KCNK2: variants seen among roughly 807,000 people sequenced by gnomAD.
KCNK2 encodes potassium two pore domain channel subfamily K member 2.
In KCNK2, 21 loss-of-function variants were observed where a neutral mutation model predicts 40.5. The ratio of observed to expected loss-of-function variants is 0.52; its 90% CI spans 0.37 to 0.75. The LOEUF is 0.75. KCNK2 is among the 30% of genes least tolerant of loss of function. KCNK2 has a pLI of 0.00. For synonymous variants in KCNK2, 191 were observed against 202.2 expected, an observed-to-expected ratio of 0.94 and a Z score of 0.47; for missense variants, 399 against 531.6, an observed-to-expected ratio of 0.75 and a Z score of 2.45.
At chr1:215,042,264 A>G (rs1053015006) in intron 1 of KCNK2, among the ~76,000 whole-genome samples, 1 of 152,210 alleles carries the variant, frequency 6.6e-6, no homozygotes, top group Non-Finnish European at 1.5e-5. Flanking sequence ...ATTTATGCAG[A>G]AAGACACAGA....
At chr1:215,151,110 G>A (rs1228699235) in intron 3 of KCNK2, among the ~76,000 whole-genome samples, 1 of 151,950 alleles carries the variant, frequency 6.6e-6, no homozygotes, top group Non-Finnish European at 1.5e-5. Flanking sequence ...ATATTTATAG[G>A]TATTCTTTTC....
At chr1:215,154,962 T>C (rs1421679165) in intron 3 of KCNK2, among the ~76,000 whole-genome samples, 3 of 152,300 alleles carry the variant, frequency 2.0e-5, no homozygotes, top group Middle Eastern at 3.4e-3. Context: ...ACCAGCACTG[T>C]TATATTTTTA....
chr1:215,053,436 T>G (rs1658056343), intron 1 of KCNK2, among the ~76,000 whole-genome samples: 1 of 151,976 alleles, frequency 6.6e-6, no homozygotes. Context: ...AAGCAGTAAA[T>G]GAACAAATGA....
chr1:215,116,253 C>G (rs1390062690), intron 2 of KCNK2, among the ~76,000 whole-genome samples: 2 of 152,042 alleles, frequency 1.3e-5, no homozygotes, highest in Admixed American at 6.6e-5. Context: ...GAGTTTTCAG[C>G]AGATTTATTG....
At chr1:215,110,958 TA>T (rs1390499510) in intron 2 of KCNK2, among the ~76,000 whole-genome samples, 2 of 152,142 alleles carry the variant, frequency 1.3e-5, no homozygotes, top group Non-Finnish European at 2.9e-5. Context: ...TACAATAGCC[TA>T]AAGAATAGTT....
intron 6 of KCNK2, among the ~76,000 whole-genome samples, chr1:215,205,206 A>G (rs1665260772): frequency 6.6e-6 from 1 of 152,172 alleles, no homozygotes; most frequent in Non-Finnish European, 1.5e-5. Context: ...AGATCTGGCC[A>G]AGGATTTGTG....
chr1:215,215,594 A>G (rs1334982762), intron 6 of KCNK2, among the ~76,000 whole-genome samples: 26 of 152,120 alleles, frequency 1.7e-4, no homozygotes, highest in Admixed American at 1.7e-3. Flanking sequence ...GACAGCTCTG[A>G]TGGCCACAGA....
At chr1:215,215,826 G>A (rs1232521999) in intron 6 of KCNK2, among the ~76,000 whole-genome samples, 2 of 152,148 alleles carry the variant, frequency 1.3e-5, no homozygotes. Flanking sequence ...CTTCTGATCT[G>A]TTTCACCAGG....
intron 6 of KCNK2, among the ~76,000 whole-genome samples, chr1:215,204,859 G>C (rs1306211979): frequency 1.3e-5 from 2 of 152,128 alleles, no homozygotes; most frequent in African/African-American, 2.4e-5. Context: ...ATCATCTTTT[G>C]CAACAAAGTA....
At chr1:215,099,734 A>C (rs74143656) in intron 2 of KCNK2, among the ~76,000 whole-genome samples, 2,710 of 151,976 alleles carry the variant, frequency 0.018, 83 homozygotes, top group African/African-American at 0.062. Context: ...TTAATTCTTA[A>C]ATTTTTCATT....
At chr1:215,200,203 A>T (rs1452008864) in intron 6 of KCNK2, among the ~76,000 whole-genome samples, 1 of 152,226 alleles carries the variant, frequency 6.6e-6, no homozygotes, top group African/African-American at 2.4e-5. Flanking sequence ...AGTGCCAAGA[A>T]GCCTTGAAAG....
chr1:215,063,572 C>A (rs1283873255), intron 1 of KCNK2, among the ~76,000 whole-genome samples: 2 of 152,142 alleles, frequency 1.3e-5, no homozygotes, highest in Non-Finnish European at 2.9e-5. Flanking sequence ...GTAATAATAC[C>A]ATTAAATTCT....
At chr1:215,138,355 A>C (rs533329581) in intron 3 of KCNK2, among the ~76,000 whole-genome samples, 2 of 152,210 alleles carry the variant, frequency 1.3e-5, no homozygotes, top group Non-Finnish European at 2.9e-5. Flanking sequence ...AAGCCATGAC[A>C]TTCTGGTTTA....
chr1:215,141,336 T>A (rs1662164025), intron 3 of KCNK2, among the ~76,000 whole-genome samples: 1 of 152,176 alleles, frequency 6.6e-6, no homozygotes, highest in African/African-American at 2.4e-5. Context: ...GCTGTACTTT[T>A]ATATAATGAG....
chr1:215,044,357 C>A (rs12069528), intron 1 of KCNK2, among the ~76,000 whole-genome samples: 3,857 of 152,118 alleles, frequency 0.025, 104 homozygotes, highest in South Asian at 0.1. Context: ...TTAGCCCAGA[C>A]TTTCCCTGGT....
At chr1:215,023,667 A>C (rs1201772649) in intron 1 of KCNK2, among the ~76,000 whole-genome samples, 1 of 152,214 alleles carries the variant, frequency 6.6e-6, no homozygotes, top group Non-Finnish European at 1.5e-5. Context: ...CAAATTCCTG[A>C]ATTTGTTTTG....
intron 6 of KCNK2, among the ~76,000 whole-genome samples, chr1:215,224,231 A>G (rs1328393597): frequency 2.6e-5 from 4 of 152,166 alleles, no homozygotes; most frequent in Non-Finnish European, 4.4e-5. Context: ...AAAATTAGAA[A>G]TTCAACAATG....
chr1:215,155,155 C>G (rs1571673908), intron 3 of KCNK2, among the ~76,000 whole-genome samples: 3 of 152,110 alleles, frequency 2.0e-5, no homozygotes, highest in South Asian at 4.2e-4. Flanking sequence ...TTTGAAGTAG[C>G]CTACTACTTT....
intron 1 of KCNK2, among the ~76,000 whole-genome samples, chr1:215,058,497 C>T (rs1010252039): frequency 2.0e-5 from 3 of 152,184 alleles, no homozygotes; most frequent in Non-Finnish European, 4.4e-5. Context: ...ATGCGCTAAA[C>T]TTATCCACTA....
Sources: gnomAD v4.1 joint callset for allele counts (sites outside exome capture counted in the v4.1 genomes callset) on GRCh38, gnomAD v4.1.1 for gene constraint, MANE v1.5 for transcripts, NCBI Gene and HGNC (gene_info 2026-07-23, HGNC 2026-07-21) for gene names.